PARD6B: variants seen among roughly 807,000 people sequenced by gnomAD.
The protein encoded by PARD6B is par-6 family cell polarity regulator beta.
PARD6B carries 4 observed loss-of-function variants against 10.5 expected under a neutral mutation model. That is an observed-to-expected ratio of 0.38 (90% CI 0.19 to 0.87). The LOEUF (loss-of-function observed/expected upper bound fraction) is 0.87, where lower values mean the gene tolerates loss of function less well. PARD6B is among the 40% of genes least tolerant of loss of function. PARD6B has a pLI of 0.41. For missense variants in PARD6B, 396 were observed against 470.6 expected (o/e 0.84, Z 1.47); for synonymous variants, 169 against 170.4 (o/e 0.99, Z 0.07).
At chr20:50,743,121 A>T (rs1473260657) in intron 2 of PARD6B, among the ~76,000 whole-genome samples, 1 of 152,184 alleles carries the variant, frequency 6.6e-6, no homozygotes, top group Non-Finnish European at 1.5e-5. Context: ...GCCTTTTAAA[A>T]ATACTCAGGT....
chr20:50,751,642 A>G lies in PARD6B; in HGVS notation c.*1154A>G. 2.0e-6 allele frequency: 2 copies of G among 984,186 alleles called. No individual in the cohort carries two copies. Among genetic ancestry groups the G allele is most frequent in the Non-Finnish European group, 2.4e-6 (2 of 829,840 alleles). 61.0% of individuals were successfully genotyped at this position (984,186 alleles called of 1,614,324 possible). Reference sequence around the variant, plus strand: ...ATTACAGGCGTGAGCCACCGCGCCCAGTTGTGCATTTCTGGTTTCTAAGAA... The same window carrying G: ...ATTACAGGCGTGAGCCACCGCGCCCGGTTGTGCATTTCTGGTTTCTAAGAA... On this transcript the variant is annotated 3_prime_UTR_variant, in exon 3 of 3. Coordinates refer to ENST00000371610, the MANE Select transcript of PARD6B (RefSeq NM_032521.3).
At position 50,750,798 on chromosome 20, in the gene PARD6B, G is replaced by A; in HGVS notation, c.*310G>A. On this transcript the variant is annotated 3_prime_UTR_variant, in exon 3 of 3. Coordinates refer to ENST00000371610, the MANE Select transcript of PARD6B (RefSeq NM_032521.3). ...TATGTGAGAAGACTAGATCATTTCT[G>A]TTGGAAGTGGTTGCATATTTAACCT... is the stretch of plus-strand genomic sequence containing the variant. 1 of 1,096,020 alleles carries A rather than the reference G, an allele frequency of 9.1e-7. No individual in the cohort carries two copies. The highest frequency in any genetic ancestry group is 3.0e-5 in the South Asian group (1 of 33,426). 67.9% of individuals were successfully genotyped at this position (1,096,020 alleles called of 1,614,324 possible). A position where few individuals can be genotyped will look rare whatever the true frequency, so the allele number is the denominator to read the frequency against.
At position 50,753,068 on chromosome 20, in the gene PARD6B, C is replaced by CCTCT. The variant is rs11469346; in HGVS notation, c.*2585_*2588dup. On this transcript the variant is annotated 3_prime_UTR_variant, in exon 3 of 3. Transcript: ENST00000371610. Reference sequence around the variant, plus strand: ...TAAGTAAAAATATTTTTACACACTACCTCTCTCTTTTTTTTTTTAAAGTTT... The same window carrying CCTCT: ...TAAGTAAAAATATTTTTACACACTACCTCTCTCTCTCTTTTTTTTTTTAAAGTTT... 4 of 935,308 alleles carry CCTCT rather than the reference C, an allele frequency of 4.3e-6. No homozygotes were observed. Among genetic ancestry groups the CCTCT allele is most frequent in the East Asian group, 1.2e-4 (1 of 8,458 alleles). 57.9% of individuals were successfully genotyped at this position (935,308 alleles called of 1,614,324 possible).
Position 50,751,795 on chromosome 20 carries a change from G to C in PARD6B, c.*1307G>C. On this transcript the variant is annotated 3_prime_UTR_variant, in exon 3 of 3. Coordinates refer to ENST00000371610, the MANE Select transcript of PARD6B (RefSeq NM_032521.3). ...GTGCAGTGGTGCAATCTCAGCTCCC[G>C]GGTTCAAGCAATTCTCCTGCCTCAG... The C allele has an allele frequency of 1.1e-6, 1 of 950,312 alleles. No individual in the cohort carries two copies. Among genetic ancestry groups the C allele is most frequent in the Non-Finnish European group, 1.2e-6 (1 of 803,166 alleles). 58.9% of individuals were successfully genotyped at this position (950,312 alleles called of 1,614,324 possible).
At chr20:50,732,472 A>G (rs1568994131) in intron 1 of PARD6B, among the ~76,000 whole-genome samples, 1 of 152,178 alleles carries the variant, frequency 6.6e-6, no homozygotes, top group Non-Finnish European at 1.5e-5. Flanking sequence ...ACTCACATCA[A>G]GTGCTTTTCC....
chr20:50,744,842 C>A (rs539674501), intron 2 of PARD6B, among the ~76,000 whole-genome samples: 31 of 152,310 alleles, frequency 2.0e-4, no homozygotes, highest in African/African-American at 7.5e-4. Flanking sequence ...GGCCAGGTCC[C>A]CTTTACATAC....
chr20:50,747,735 A>G (rs1600819452), intron 2 of PARD6B, among the ~76,000 whole-genome samples: 1 of 151,916 alleles, frequency 6.6e-6, no homozygotes. Context: ...TAATTTAACC[A>G]TATCTGGTGT....
chr20:50,733,580 C>T (rs1047911619), intron 1 of PARD6B, among the ~76,000 whole-genome samples: 5 of 135,124 alleles, frequency 3.7e-5, no homozygotes, highest in Non-Finnish European at 8.3e-5. Flanking sequence ...ATTGAAGTGA[C>T]TTGCTTGAGC....
intron 2 of PARD6B, among the ~76,000 whole-genome samples, chr20:50,742,101 G>T (rs1240795579): frequency 6.6e-6 from 1 of 152,146 alleles, no homozygotes; most frequent in Non-Finnish European, 1.5e-5. Flanking sequence ...CACCCAGGCT[G>T]GAATGCAGGG....
At chr20:50,748,608 G>C (rs1168961097) in intron 2 of PARD6B, among the ~76,000 whole-genome samples, 1 of 152,166 alleles carries the variant, frequency 6.6e-6, no homozygotes, top group Non-Finnish European at 1.5e-5. Context: ...GTGCGCTGCA[G>C]ACCTGAATCC....
intron 1 of PARD6B, among the ~76,000 whole-genome samples, chr20:50,733,372 C>T (rs907417114): frequency 1.3e-5 from 2 of 152,036 alleles, no homozygotes; most frequent in Non-Finnish European, 2.9e-5. Flanking sequence ...TGCAGTGAGC[C>T]AAGTTTGCAC....
At chr20:50,737,023 C>T (rs2087503130) in intron 1 of PARD6B, among the ~76,000 whole-genome samples, 1 of 152,096 alleles carries the variant, frequency 6.6e-6, no homozygotes, top group African/African-American at 2.4e-5. Flanking sequence ...GAATAAGAGT[C>T]ACTTTTAATT....
rs538888872 is a variant in PARD6B, at chr20:50,744,191, G to A, written c.290-5468G>A. ...GTGCAATGGCGTGATCTCGTCTCACGGCAACCTCCGCCTCCTGGGTTCAAG... is the reference window on the plus strand; with the variant it reads ...GTGCAATGGCGTGATCTCGTCTCACAGCAACCTCCGCCTCCTGGGTTCAAG... On this transcript the variant is annotated intron_variant, in intron 2 of 2. Coordinates refer to ENST00000371610, the MANE Select transcript of PARD6B (RefSeq NM_032521.3). Among the ~76,000 whole-genome samples, 259 of 135,604 alleles carry A rather than the reference G, an allele frequency of 1.9e-3. 2 individuals carry two copies. The highest frequency in any genetic ancestry group is 2.7e-3 in the Non-Finnish European group (179 of 65,356). 89.0% of individuals were successfully genotyped at this position (135,604 alleles called of 152,430 possible). A position where few individuals can be genotyped will look rare whatever the true frequency, so the allele number is the denominator to read the frequency against.
Position 50,748,660 on chromosome 20 carries a change from G to A in PARD6B, c.290-999G>A, listed in dbSNP as rs990872147. ...TCCCATCTCAGCCTCCCAAGTAGCC[G>A]GGACTCCAGGCAGACGCTACCTACC... On this transcript the variant is annotated intron_variant, in intron 2 of 2. Transcript: ENST00000371610. Among the ~76,000 whole-genome samples, 8 of 152,010 alleles carry A rather than the reference G, an allele frequency of 5.3e-5. No homozygotes were observed. In the South Asian group the frequency reaches 1.5e-3, roughly 28 times the overall value.
At chr20:50,736,431 T>C (rs1336210611) in intron 1 of PARD6B, among the ~76,000 whole-genome samples, 1 of 152,234 alleles carries the variant, frequency 6.6e-6, no homozygotes, top group Non-Finnish European at 1.5e-5. Flanking sequence ...AGTTCAGTGG[T>C]TAAACACATT....
chr20:50,731,975 C>A, intron 1 of PARD6B, 123 bp downstream of exon 1: 1 of 596,518 alleles, frequency 1.7e-6, no homozygotes. Context: ...CTGGACGGTG[C>A]GGTCGGGAGA....
At chr20:50,736,340 T>C (rs556418106) in intron 1 of PARD6B, among the ~76,000 whole-genome samples, 2 of 152,352 alleles carry the variant, frequency 1.3e-5, no homozygotes, top group East Asian at 3.9e-4. Flanking sequence ...CCAACAGTAT[T>C]TCTCTTTTCC....
intron 2 of PARD6B, among the ~76,000 whole-genome samples, chr20:50,745,746 G>A (rs1001202877): frequency 1.3e-5 from 2 of 152,146 alleles, no homozygotes; most frequent in African/African-American, 2.4e-5. Flanking sequence ...AGCTGAAGCA[G>A]TCCTCTCACC....
chr20:50,744,144 C>T (rs1136848), intron 2 of PARD6B, among the ~76,000 whole-genome samples: 7,855 of 126,802 alleles, frequency 0.062, 327 homozygotes, highest in Middle Eastern at 0.15. Flanking sequence ...GAAGCAGTCT[C>T]GCTCTTGTTG....
Sources: allele counts gnomAD v4.1 joint callset (sites outside exome capture counted in the v4.1 genomes callset), GRCh38; gene constraint gnomAD v4.1.1; transcripts MANE v1.5; gene names NCBI Gene and HGNC (gene_info 2026-07-23, HGNC 2026-07-21).